AKAP13: variants seen among roughly 807,000 people sequenced by gnomAD.
The protein encoded by AKAP13 is A-kinase anchor protein 13.
A neutral mutation model predicts 264.5 loss-of-function variants in AKAP13; 80 were observed. The ratio of observed to expected loss-of-function variants is 0.30; its 90% CI spans 0.25 to 0.36. AKAP13 has a LOEUF of 0.36. Ranked by LOEUF, AKAP13 falls within the 10% of genes least tolerant of loss-of-function variation. AKAP13 has a pLI of 1.00. For missense variants in AKAP13, 3,712 were observed against 3,435.2 expected, an observed-to-expected ratio of 1.08 and a Z score of -2.01; for synonymous variants, 1,380 against 1,250.2, an observed-to-expected ratio of 1.10 and a Z score of -2.19.
At position 85,727,107 on chromosome 15, in the gene AKAP13, G is replaced by C. The variant is rs764666606; in HGVS notation, c.6864G>C (p.Val2288=). 1 of 1,614,230 alleles carries C rather than the reference G, an allele frequency of 6.2e-7. No individual in the cohort carries two copies. Among genetic ancestry groups the C allele is most frequent in the Non-Finnish European group, 8.5e-7 (1 of 1,180,030 alleles). ...TGATCTCTTTAAAGAAGCTGATTGT[G>C]AGAGAAGTGGCACATGAGGAGAAAG... is the stretch of plus-strand genomic sequence containing the variant. ...STVISLKKLI[V]REVAHEEKGL... Residue 2288 remains valine, a synonymous_variant, in exon 28 of 37, where the codon GTG becomes GTC. Transcript: ENST00000394518. The surrounding 1 kb of genome is among the most constrained non-coding windows in gnomAD (Gnocchi z 5.3).
intron 8 of AKAP13, among the ~76,000 whole-genome samples, chr15:85,633,535 CTTTTTTTTTTTTTTTTT>C (rs56687591): frequency 1.0e-5 from 1 of 97,738 alleles, no homozygotes; most frequent in Admixed American, 1.2e-4. Flanking sequence ...CTTTTTTTTT[CTTTTTTTTTTTTTTTTT>C]TTTTTTTTTG....
chr15:85,426,496 G>T (rs1339605774), intron 1 of AKAP13, among the ~76,000 whole-genome samples: 1 of 150,210 alleles, frequency 6.7e-6, no homozygotes, highest in Admixed American at 6.6e-5. Flanking sequence ...TTGTTTTTTT[G>T]TTTTTTTTTG....
chr15:85,619,399 CT>C, intron 8 of AKAP13: 1 of 985,108 alleles, frequency 1.0e-6, no homozygotes, highest in South Asian at 4.7e-5. Flanking sequence ...ATTTTTTTCC[CT>C]TTTACTCTGC....
rs756916714 is a variant in AKAP13 at position 85,645,827 on chromosome 15, A to G, written c.4247A>G (p.Asn1416Ser). 1.2e-5 allele frequency: 19 copies of G among 1,596,894 alleles called. No individual in the cohort carries two copies. Among genetic ancestry groups the G allele is most frequent in the Admixed American group, 3.5e-5 (2 of 56,360 alleles). Residue 1416 changes from asparagine to serine, a missense_variant, in exon 10 of 37, where the codon AAC (asparagine) becomes AGC (serine). By Grantham distance (46) the Asn-to-Ser change is conservative (BLOSUM62 1). Coordinates refer to ENST00000394518, the MANE Select transcript of AKAP13 (RefSeq NM_007200.5). ...AAATTCTCTTTTTCAGAATGTGAGA[A>G]CTTCCTGGATGTTGGACTGGGCAGA... ...LASKQSPECE[N>S]FLDVGLGREC...
Position 85,743,587 on chromosome 15 carries a change from A to G in AKAP13, c.8154A>G (p.Ser2718=). 1.2e-6 allele frequency: 2 copies of G among 1,614,186 alleles called. No individual in the cohort carries two copies. The highest frequency in any genetic ancestry group is 1.3e-5 in the African/African-American group (1 of 75,040). ...PSPSAPSIAK[S]GSLDSELSVS... ...CATCTGCACCTTCCATAGCCAAATC[A>G]GGGTCATTGGACTCAGAACTTTCAG... The change falls in exon 36 of 37, where the codon TCA becomes TCG. Residue 2718 remains serine (S), a synonymous_variant. Transcript: ENST00000394518.
chr15:85,467,216 T>A (rs1389006668), intron 1 of AKAP13, among the ~76,000 whole-genome samples: 1 of 152,212 alleles, frequency 6.6e-6, no homozygotes, highest in South Asian at 2.1e-4. Flanking sequence ...GCTTCTGTGC[T>A]TTTCTACCTT....
rs74025641 is a variant in AKAP13, at chr15:85,619,699, G to T, written c.4162-19675G>T. The T allele has an allele frequency of 2.2e-3, 2,217 of 993,094 alleles. 35 individuals carry two copies. In the African/African-American group the frequency reaches 0.034, roughly 15 times the overall value. The allele number at this position is 993,094 out of a possible 1,614,324, so 61.5% of individuals were successfully genotyped here. ...TTGGGTTTTTTTCCCTACGTGTATCGGCCGTTATGCTTAGCCAGTTTATTC... is the reference window on the plus strand; with the variant it reads ...TTGGGTTTTTTTCCCTACGTGTATCTGCCGTTATGCTTAGCCAGTTTATTC... On this transcript the variant is annotated intron_variant, in intron 8 of 36. Coordinates refer to ENST00000394518, the MANE Select transcript of AKAP13 (RefSeq NM_007200.5).
chr15:85,568,885 G>T (rs982175551), intron 5 of AKAP13, among the ~76,000 whole-genome samples: 4 of 152,162 alleles, frequency 2.6e-5, no homozygotes, highest in Non-Finnish European at 5.9e-5. Flanking sequence ...GATAGATTGG[G>T]GGGTAGTGAA....
chr15:85,438,406 A>C (rs530593962), intron 1 of AKAP13, among the ~76,000 whole-genome samples: 3 of 151,788 alleles, frequency 2.0e-5, no homozygotes, highest in African/African-American at 7.3e-5. Context: ...GGTAATTTAC[A>C]GATTCAACTC....
rs1404676482 is a variant in AKAP13, at chr15:85,680,383, G to A, written c.5102-1775G>A. 2.6e-5 allele frequency among the ~76,000 whole-genome samples: 4 copies of A among 152,150 alleles called. No individual in the cohort carries two copies. In the East Asian group the frequency reaches 5.8e-4, roughly 22 times the overall value. On this transcript the variant is annotated intron_variant, in intron 14 of 36. Coordinates refer to ENST00000394518, the MANE Select transcript of AKAP13 (RefSeq NM_007200.5). ...TACACCTAGATTATGCAGAACCTGG[G>A]GATGGATCCCAGATATTCTTATGCT...
Position 85,741,121 on chromosome 15 carries a change from T to A in AKAP13, c.7684T>A (p.Leu2562Met), listed in dbSNP as rs145350681. The A allele has an allele frequency of 4.3e-6, 7 of 1,613,520 alleles. No individual in the cohort carries two copies. The highest frequency in any genetic ancestry group is 1.7e-5 in the Admixed American group (1 of 59,990). The change falls in exon 35 of 37, where the codon TTG becomes ATG. Residue 2562 changes from leucine (L) to methionine (M), a missense_variant. By Grantham distance (15) the Leu-to-Met change is conservative. This residue lies in a region of AKAP13 where 611 missense variants were observed against 539.3 expected (regional missense o/e 1.13). Transcript: ENST00000394518. ...GAGCGAGAGGGCGCTCACTCGCAGCTTGTCCCGCCCGAGCTCCCTCATTGA... is the reference window on the plus strand; with the variant it reads ...GAGCGAGAGGGCGCTCACTCGCAGCATGTCCCGCCCGAGCTCCCTCATTGA... The part of the protein sequence containing the change: ...VLSERALTRS[L>M]SRPSSLIEQE...
chr15:85,651,057 G>A (rs924830766), intron 10 of AKAP13, among the ~76,000 whole-genome samples: 3 of 152,086 alleles, frequency 2.0e-5, no homozygotes, highest in African/African-American at 4.8e-5. Context: ...GCAATATTAA[G>A]CATGATTTCT....
chr15:85,561,202 C>A (rs1056363027), intron 5 of AKAP13, among the ~76,000 whole-genome samples: 6 of 151,966 alleles, frequency 3.9e-5, no homozygotes, highest in African/African-American at 1.2e-4. Context: ...GGATTACAGG[C>A]GCCCGCCACC....
chr15:85,401,291 T>G (rs896495086), intron 1 of AKAP13, among the ~76,000 whole-genome samples: 1 of 82,898 alleles, frequency 1.2e-5, no homozygotes, highest in African/African-American at 5.0e-5. Flanking sequence ...TTATGTAGTA[T>G]ACCTGATTAT....
At chr15:85,731,358 T>C (rs1450359264) in intron 30 of AKAP13, among the ~76,000 whole-genome samples, 1 of 152,214 alleles carries the variant, frequency 6.6e-6, no homozygotes, top group Non-Finnish European at 1.5e-5. Flanking sequence ...TCCTAGACAT[T>C]ATAGTTTAAT....
rs1357791233 is a variant in AKAP13 at position 85,722,456 on chromosome 15, A to G, written c.6496+109A>G. ...CTATTTCATGCTTTAGTATGTCTAA[A>G]AGAGACCTTGTGTTTTATCTTGAAT... On this transcript the variant is annotated intron_variant, in intron 25 of 36. Coordinates refer to ENST00000394518, the MANE Select transcript of AKAP13 (RefSeq NM_007200.5). 24 of 899,420 alleles carry G rather than the reference A, an allele frequency of 2.7e-5. 1 individual carries two copies. The highest frequency in any genetic ancestry group is 4.0e-5 in the Non-Finnish European group (24 of 596,880). The allele number at this position is 899,420 out of a possible 1,614,324, so 55.7% of individuals were successfully genotyped here. A position where few individuals can be genotyped will look rare whatever the true frequency, so the allele number is the denominator to read the frequency against.
At chr15:85,546,581 T>C (rs1426708425) in intron 5 of AKAP13, among the ~76,000 whole-genome samples, 1 of 152,168 alleles carries the variant, frequency 6.6e-6, no homozygotes, top group Admixed American at 6.5e-5. Context: ...CTGGGATTCT[T>C]AAAAAGTGGC....
chr15:85,726,338 AAAC>A, intron 26 of AKAP13, 69 bp from the exon 27 acceptor site: 1 of 1,324,954 alleles, frequency 7.5e-7, no homozygotes, highest in Non-Finnish European at 1.1e-6. Flanking sequence ...CTTCAATAAA[AAAC>A]CTTCTGACTG....
chr15:85,400,411 T>TA (rs926463029), intron 1 of AKAP13, among the ~76,000 whole-genome samples: 34 of 149,078 alleles, frequency 2.3e-4, no homozygotes, highest in African/African-American at 7.1e-4. Context: ...ATCCTGTCTC[T>TA]AAAAAAAAAA....
Sources: gnomAD v4.1 joint callset for allele counts (sites outside exome capture counted in the v4.1 genomes callset) on GRCh38, gnomAD v4.1.1 for gene constraint, gnomAD v4.1.1 regional missense constraint, Gnocchi (gnomAD v3.1) non-coding constraint, MANE v1.5 for transcripts, NCBI Gene and HGNC (gene_info 2026-07-23, HGNC 2026-07-21) for gene names.